The following LRRC4C variants were observed in gnomAD, a reference collection of about 807,000 sequenced individuals.
The protein encoded by LRRC4C is leucine-rich repeat-containing protein 4C.
In LRRC4C, 5 loss-of-function variants were observed where a neutral mutation model predicts 33.6. The observed-to-expected ratio is 0.15, with a 90% CI of 0.08 to 0.31. The LOEUF (loss-of-function observed/expected upper bound fraction) is 0.31. Among genes scored for constraint, LRRC4C ranks in the 10% least tolerant of loss-of-function variants. The pLI is 1.00. For synonymous variants in LRRC4C, 329 were observed against 302.0 expected (o/e 1.09, Z -0.93); for missense variants, 560 against 796.7 (o/e 0.70, Z 3.58).
At chr11:41,405,000 C>T (rs1430293860) in intron 1 of LRRC4C, among the ~76,000 whole-genome samples, 3 of 152,022 alleles carry the variant, frequency 2.0e-5, no homozygotes, top group Non-Finnish European at 4.4e-5. Flanking sequence ...ATATTTAAAT[C>T]TTCAGTGTCT....
At chr11:40,410,012 T>C (rs1440103) in intron 3 of LRRC4C, among the ~76,000 whole-genome samples, 49,727 of 151,900 alleles carry the variant, frequency 0.33, 9,615 homozygotes, top group South Asian at 0.46. Flanking sequence ...GAAAAACAAA[T>C]TTTAGTGTCT....
chr11:40,121,896 A>C (rs752371912), intron 6 of LRRC4C, among the ~76,000 whole-genome samples: 1 of 152,124 alleles, frequency 6.6e-6, no homozygotes, highest in African/African-American at 2.4e-5. Flanking sequence ...AACCTCCCTA[A>C]ACAGGAGAAC....
intron 2 of LRRC4C, among the ~76,000 whole-genome samples, chr11:40,720,749 T>C (rs10837484): frequency 0.44 from 67,293 of 152,062 alleles, 15,796 homozygotes; most frequent in African/African-American, 0.56. Context: ...CAAAGAATCA[T>C]TTTATCATTA....
intron 3 of LRRC4C, among the ~76,000 whole-genome samples, chr11:40,402,364 A>C (rs755345076): frequency 5.3e-5 from 8 of 152,066 alleles, no homozygotes; most frequent in Non-Finnish European, 1.0e-4. Context: ...GATTTATTCA[A>C]CCCTTATAAA....
chr11:41,408,749 A>T (rs1305682501), intron 1 of LRRC4C, among the ~76,000 whole-genome samples: 11 of 6,308 alleles, frequency 1.7e-3, no homozygotes, highest in African/African-American at 2.0e-3. Context: ...TATTTTTGTA[A>T]AAAAAAAAAA....
chr11:41,015,431 C>A (rs551791868), intron 1 of LRRC4C, among the ~76,000 whole-genome samples: 2 of 152,192 alleles, frequency 1.3e-5, no homozygotes, highest in Non-Finnish European at 2.9e-5. Context: ...TGAGTTCAAG[C>A]AATTCTCCTG....
chr11:41,443,932 A>T (rs1024423057), intron 1 of LRRC4C, among the ~76,000 whole-genome samples: 4 of 151,838 alleles, frequency 2.6e-5, no homozygotes, highest in African/African-American at 9.7e-5. Context: ...CGGGAGCCTC[A>T]ATTTCATATT....
chr11:41,281,077 T>TCTCTCTCTCC (rs1949654046), intron 1 of LRRC4C, among the ~76,000 whole-genome samples: 1 of 54,422 alleles, frequency 1.8e-5, no homozygotes, highest in Non-Finnish European at 3.4e-5. Flanking sequence ...TCTCTCTCTG[T>TCTCTCTCTCC]CCTCTCTCTC....
At chr11:41,083,728 C>A (rs1939749456) in intron 1 of LRRC4C, among the ~76,000 whole-genome samples, 1 of 152,156 alleles carries the variant, frequency 6.6e-6, no homozygotes, top group African/African-American at 2.4e-5. Flanking sequence ...TGGATTTGGA[C>A]AACCCATGCT....
At chr11:40,715,344 T>C (rs1243375702) in intron 2 of LRRC4C, among the ~76,000 whole-genome samples, 1 of 152,180 alleles carries the variant, frequency 6.6e-6, no homozygotes. Context: ...GACAATAAAA[T>C]GCCATTTCAA....
At chr11:40,683,061 T>C (rs1944777795) in intron 2 of LRRC4C, among the ~76,000 whole-genome samples, 2 of 152,198 alleles carry the variant, frequency 1.3e-5, no homozygotes, top group Non-Finnish European at 2.9e-5. Flanking sequence ...TATCAGGTGA[T>C]AACATACGAG....
intron 5 of LRRC4C, among the ~76,000 whole-genome samples, chr11:40,215,231 G>A (rs935751136): frequency 3.3e-5 from 5 of 151,894 alleles, no homozygotes; most frequent in Non-Finnish European, 7.4e-5. Flanking sequence ...CTATAATCAC[G>A]ACATAATATT....
At chr11:40,557,830 T>C (rs1957391460) in intron 3 of LRRC4C, among the ~76,000 whole-genome samples, 1 of 152,204 alleles carries the variant, frequency 6.6e-6, no homozygotes, top group Admixed American at 6.5e-5. Flanking sequence ...GCTGCTATTC[T>C]ACTGCCACAT....
chr11:40,188,964 T>C (rs1306821824), intron 5 of LRRC4C, among the ~76,000 whole-genome samples: 1 of 152,198 alleles, frequency 6.6e-6, no homozygotes, highest in Non-Finnish European at 1.5e-5. Flanking sequence ...TTTCATTCAA[T>C]CTCTTAAGTG....
chr11:40,561,778 A>G (rs1281432486), intron 3 of LRRC4C, among the ~76,000 whole-genome samples: 3 of 152,150 alleles, frequency 2.0e-5, no homozygotes, highest in African/African-American at 7.2e-5. Flanking sequence ...TGTGTTGGTA[A>G]CAAATTCACT....
intron 4 of LRRC4C, among the ~76,000 whole-genome samples, chr11:40,250,697 C>T (rs1023166116): frequency 1.3e-5 from 2 of 152,004 alleles, no homozygotes; most frequent in African/African-American, 4.8e-5. Flanking sequence ...CGAGATTGCG[C>T]CACTGTACTC....
intron 2 of LRRC4C, among the ~76,000 whole-genome samples, chr11:40,806,966 A>G (rs1951281380): frequency 6.6e-6 from 1 of 152,194 alleles, no homozygotes; most frequent in East Asian, 1.9e-4. Context: ...GGATTAAAAA[A>G]AAACTGCTCT....
At chr11:40,747,856 C>G (rs1419856961) in intron 2 of LRRC4C, among the ~76,000 whole-genome samples, 2 of 152,028 alleles carry the variant, frequency 1.3e-5, no homozygotes, top group Non-Finnish European at 2.9e-5. Context: ...TGAAATAACT[C>G]ACTTGGACAA....
At chr11:40,310,021 G>C (rs1358786460) in intron 4 of LRRC4C, among the ~76,000 whole-genome samples, 1 of 152,070 alleles carries the variant, frequency 6.6e-6, no homozygotes, top group Non-Finnish European at 1.5e-5. Flanking sequence ...GTAGAAGAAA[G>C]TACTGCCTTC....
Sources: allele counts gnomAD v4.1 joint callset (sites outside exome capture counted in the v4.1 genomes callset), GRCh38; gene constraint gnomAD v4.1.1; transcripts MANE v1.5; gene names NCBI Gene and HGNC (gene_info 2026-07-23, HGNC 2026-07-21).